Variants in FBXL13 observed in about 807,000 individuals in gnomAD.
FBXL13 encodes the protein F-box and leucine-rich repeat protein 13.
Under a neutral mutation model 83.6 loss-of-function variants are expected in FBXL13, and 67 were observed. The observed-to-expected ratio is 0.80, with a 90% CI of 0.66 to 0.98. FBXL13 has a LOEUF of 0.98. Ranked by LOEUF, FBXL13 falls within the 50% of genes least tolerant of loss-of-function variation. The probability of loss-of-function intolerance (pLI) is 0.00; values close to 1 mark genes in which losing one functional copy is unlikely to be tolerated. For missense variants in FBXL13, 822 were observed against 866.5 expected, an observed-to-expected ratio of 0.95 and a Z score of 0.64; for synonymous variants, 272 against 299.5, an observed-to-expected ratio of 0.91 and a Z score of 0.95.
At chr7:102,969,190 G>A (rs2129481187) in intron 6 of FBXL13, among the ~76,000 whole-genome samples, 1 of 152,128 alleles carries the variant, frequency 6.6e-6, no homozygotes, top group Middle Eastern at 3.4e-3. Context: ...CCCTATATAG[G>A]TGTGCCAATT....
intron 6 of FBXL13, among the ~76,000 whole-genome samples, chr7:102,979,850 A>G (rs1047985645): frequency 1.1e-4 from 17 of 152,208 alleles, no homozygotes; most frequent in African/African-American, 3.6e-4. Flanking sequence ...AAAAGGCCTA[A>G]ACAAATGGAA....
chr7:103,000,455 T>A (rs997926328), intron 6 of FBXL13, among the ~76,000 whole-genome samples: 7 of 152,274 alleles, frequency 4.6e-5, no homozygotes, highest in African/African-American at 1.7e-4. Context: ...AAAAGATACT[T>A]GATTTAATGT....
At chr7:103,064,057 T>A (rs1397323671) in intron 1 of FBXL13, among the ~76,000 whole-genome samples, 1 of 152,242 alleles carries the variant, frequency 6.6e-6, no homozygotes, top group East Asian at 1.9e-4. Context: ...ACTGGCCTTT[T>A]GTGGAATCCA....
intron 8 of FBXL13, among the ~76,000 whole-genome samples, chr7:102,962,605 G>T (rs963792515): frequency 6.6e-6 from 1 of 151,940 alleles, no homozygotes; most frequent in Non-Finnish European, 1.5e-5. Flanking sequence ...ATGATAGACT[G>T]GATTAAGAAA....
At position 102,877,453 on chromosome 7, in the gene FBXL13, T is replaced by G. The variant is rs1375284063; in HGVS notation, c.1635+14A>C. 10 of 1,567,670 alleles carry G rather than the reference T, an allele frequency of 6.4e-6. No individual in the cohort carries two copies. The highest frequency in any genetic ancestry group is 7.7e-6 in the Non-Finnish European group (9 of 1,161,714). On this transcript the variant is annotated intron_variant, in intron 16 of 19. Transcript: ENST00000313221. ...AAACAATAAAAGTCATTGTACTGTT[T>G]TGAATTTTTTTACCTCATTAGAGAT...
rs71106701 is a variant in FBXL13, at chr7:102,951,375, C to CTAAATAAATAAATAAATAAATAAA, written c.724+12134_724+12157dup. ...TGGGCAACAGAGCGAGACTCCATCT[C>CTAAATAAATAAATAAATAAATAAA]TAAATAAATAAATAAATAAATAAAT... On this transcript the variant is annotated intron_variant, in intron 8 of 19. Transcript: ENST00000313221. 9.7e-4 allele frequency among the ~76,000 whole-genome samples: 130 copies of CTAAATAAATAAATAAATAAATAAA among 133,946 alleles called. 1 individual carries two copies. Among genetic ancestry groups the CTAAATAAATAAATAAATAAATAAA allele is most frequent in the Middle Eastern group, 3.5e-3 (1 of 284 alleles). 87.9% of individuals were successfully genotyped at this position (133,946 alleles called of 152,430 possible). A position where few individuals can be genotyped will look rare whatever the true frequency, so the allele number is the denominator to read the frequency against.
intron 17 of FBXL13, among the ~76,000 whole-genome samples, chr7:102,849,782 GA>G (rs528122077): frequency 4.3e-4 from 66 of 152,236 alleles, no homozygotes; most frequent in African/African-American, 1.5e-3. Flanking sequence ...ATGAATCTTG[GA>G]AGAGGTAAAA....
chr7:102,823,951 A>T (rs1191474867), intron 18 of FBXL13, among the ~76,000 whole-genome samples: 14 of 152,340 alleles, frequency 9.2e-5, no homozygotes, highest in African/African-American at 3.4e-4. Context: ...TGTCATTGAT[A>T]AAAGAAAAAA....
chr7:102,950,108 A>G (rs1823179137), intron 8 of FBXL13, among the ~76,000 whole-genome samples: 1 of 152,212 alleles, frequency 6.6e-6, no homozygotes, highest in Non-Finnish European at 1.5e-5. Flanking sequence ...CTGTCTCAAA[A>G]AAAAACAAAA....
chr7:103,004,755 G>A (rs1429586349), intron 6 of FBXL13, among the ~76,000 whole-genome samples: 2 of 152,162 alleles, frequency 1.3e-5, no homozygotes, highest in Non-Finnish European at 2.9e-5. Flanking sequence ...TGTCTGCTGA[G>A]AGTTTTTCAT....
chr7:102,847,172 A>T (rs1408953433), intron 17 of FBXL13, among the ~76,000 whole-genome samples: 1 of 152,064 alleles, frequency 6.6e-6, no homozygotes, highest in Non-Finnish European at 1.5e-5. Flanking sequence ...GCAAAGCCTA[A>T]AACAGAAACT....
chr7:103,009,477 G>A (rs934600136), intron 6 of FBXL13, among the ~76,000 whole-genome samples: 8 of 152,244 alleles, frequency 5.3e-5, no homozygotes, highest in Admixed American at 3.9e-4. Context: ...TGTTCACAAG[G>A]ACTTGTGCAA....
At chr7:102,841,249 GTT>G (rs75520364) in intron 17 of FBXL13, among the ~76,000 whole-genome samples, 2 of 145,734 alleles carry the variant, frequency 1.4e-5, no homozygotes, top group Admixed American at 6.9e-5. Flanking sequence ...CAATCTGACA[GTT>G]TTTTTTTTTT....
chr7:102,913,304 A>T (rs1482564451), intron 10 of FBXL13, 89 bp from the exon 12 acceptor site: 2 of 1,507,794 alleles, frequency 1.3e-6, no homozygotes, highest in East Asian at 4.6e-5. Context: ...GAAAACTGTA[A>T]ATTCAACTCT....
chr7:103,058,956 T>C (rs529055953), intron 1 of FBXL13, among the ~76,000 whole-genome samples: 1 of 152,306 alleles, frequency 6.6e-6, no homozygotes, highest in East Asian at 1.9e-4. Context: ...TGCACACTTT[T>C]CACATAGGAA....
chr7:102,846,431 C>T (rs141169459), intron 17 of FBXL13, among the ~76,000 whole-genome samples: 52 of 152,142 alleles, frequency 3.4e-4, no homozygotes, highest in African/African-American at 1.3e-3. Flanking sequence ...CAGCCTCAGC[C>T]AACATGGTGA....
In FBXL13 at chr7:102,884,198, C is replaced by T; in HGVS notation, c.1107+16G>A. 3 of 1,572,818 alleles carry T rather than the reference C, an allele frequency of 1.9e-6. No individual in the cohort carries two copies. Reference sequence around the variant, plus strand: ...CTTATGGGACAGAAAAGTAAAGGTACTTCCCAACTACCTACTTTTACACAG... The same window carrying T: ...CTTATGGGACAGAAAAGTAAAGGTATTTCCCAACTACCTACTTTTACACAG... On this transcript the variant is annotated intron_variant, in intron 12 of 19. Coordinates refer to ENST00000313221, the Ensembl canonical transcript of FBXL13.
In FBXL13 at chr7:102,841,024, G is replaced by T. The variant is rs10239891; in HGVS notation, c.1720-8050C>A. ...AATTTAACTGGAATTGATAGGGAGG[G>T]TTATTACAAATTATAACATGGAGAA... On this transcript the variant is annotated intron_variant, in intron 17 of 19. Coordinates refer to ENST00000313221, the Ensembl canonical transcript of FBXL13. Among the ~76,000 whole-genome samples the T allele has an allele frequency of 8.5e-3, 1,287 of 152,236 alleles. 21 individuals are homozygous for T. The highest frequency in any genetic ancestry group is 0.03 in the African/African-American group (1,230 of 41,540).
intron 19 of FBXL13, among the ~76,000 whole-genome samples, chr7:102,819,161 CT>C (rs1475066980): frequency 6.6e-6 from 1 of 152,142 alleles, no homozygotes; most frequent in African/African-American, 2.4e-5. Context: ...TTGTGAGGGT[CT>C]TTCTTCCTCT....
Sources: allele counts gnomAD v4.1 joint callset (sites outside exome capture counted in the v4.1 genomes callset), GRCh38; gene constraint gnomAD v4.1.1; transcripts MANE v1.5; gene names NCBI Gene and HGNC (gene_info 2026-07-23, HGNC 2026-07-21).